FYCO1: variants seen among roughly 807,000 people sequenced by gnomAD.
FYCO1 encodes the protein FYVE and coiled-coil domain-containing protein 1.
In FYCO1, 122 loss-of-function variants were observed where a neutral mutation model predicts 165.1. The ratio of observed to expected loss-of-function variants is 0.74; its 90% CI spans 0.64 to 0.86. The LOEUF (loss-of-function observed/expected upper bound fraction) is 0.86. Among genes scored for constraint, FYCO1 ranks in the 40% least tolerant of loss-of-function variants. The probability of loss-of-function intolerance (pLI) is 0.00; values close to 1 mark genes in which losing one functional copy is unlikely to be tolerated. For synonymous variants in FYCO1, 648 were observed against 742.5 expected (o/e 0.87, Z 2.07); for missense variants, 1,702 against 1,810.3 (o/e 0.94, Z 1.09).
In FYCO1 at chr3:45,921,545, A is replaced by T. The variant is rs1249726837; in HGVS notation, c.*220T>A. 3.6e-6 allele frequency: 2 copies of T among 556,286 alleles called. No homozygotes were observed. Among genetic ancestry groups the T allele is most frequent in the Non-Finnish European group, 3.3e-6 (1 of 306,894 alleles). 34.5% of individuals were successfully genotyped at this position (556,286 alleles called of 1,614,324 possible). On this transcript the variant is annotated 3_prime_UTR_variant, in exon 18 of 18. Transcript: ENST00000296137. ...TGTGACAACAGCTGAGTCTCTACTT[A>T]ATGGAAACATTGCCTGAGCCCTTCA... is the stretch of plus-strand genomic sequence containing the variant.
At chr3:45,971,581 G>A (rs1414657868) in intron 6 of FYCO1, among the ~76,000 whole-genome samples, 1 of 152,050 alleles carries the variant, frequency 6.6e-6, no homozygotes, top group Non-Finnish European at 1.5e-5. Context: ...GGACACAACA[G>A]GTAAGGTATT....
chr3:45,943,190 A>G (rs2125816408), intron 14 of FYCO1, among the ~76,000 whole-genome samples: 1 of 152,360 alleles, frequency 6.6e-6, no homozygotes, highest in South Asian at 2.1e-4. Context: ...TTAAGGTACA[A>G]ATGCCACCAT....
At chr3:45,949,632 T>A (rs1704871469) in intron 14 of FYCO1, among the ~76,000 whole-genome samples, 3 of 152,138 alleles carry the variant, frequency 2.0e-5, no homozygotes, top group Admixed American at 2.0e-4. Flanking sequence ...AGGCCTTCCC[T>A]CCTGGGGTGC....
At chr3:45,927,572 G>A (rs905417317) in intron 16 of FYCO1, among the ~76,000 whole-genome samples, 7 of 152,272 alleles carry the variant, frequency 4.6e-5, no homozygotes, top group Non-Finnish European at 8.8e-5. Flanking sequence ...AGGGGACAAA[G>A]GTGTACAAAG....
chr3:45,978,961 A>T (rs1706906621), intron 4 of FYCO1, among the ~76,000 whole-genome samples: 1 of 148,224 alleles, frequency 6.7e-6, no homozygotes, highest in Non-Finnish European at 1.5e-5. Flanking sequence ...GGTTCACGCC[A>T]TTCTCCTGCC....
At chr3:45,946,767 G>A (rs1704637332) in intron 14 of FYCO1, 2 of 1,614,080 alleles carry the variant, frequency 1.2e-6, no homozygotes, top group South Asian at 1.1e-5. Context: ...CCATGAATGG[G>A]TGTTTGGCCA....
intron 11 of FYCO1, among the ~76,000 whole-genome samples, chr3:45,960,858 G>T (rs1168858976): frequency 6.6e-6 from 1 of 152,016 alleles, no homozygotes. Context: ...ATGGTTCTCA[G>T]CTCTGGCTCA....
At chr3:45,990,588 T>G (rs1459763700) in intron 1 of FYCO1, among the ~76,000 whole-genome samples, 1 of 152,202 alleles carries the variant, frequency 6.6e-6, no homozygotes, top group Non-Finnish European at 1.5e-5. Context: ...GTAAACTTCG[T>G]TGCTGTTCAT....
Position 45,955,399 on chromosome 3 carries a change from C to A in FYCO1, c.3800-6G>T. On this transcript the variant is annotated splice_region_variant and splice_polypyrimidine_tract_variant and intron_variant, in intron 13 of 17. Transcript: ENST00000296137. ...CCTGTAGTCTGTATTTGCTCCTGGG[C>A]AGCAGAGGCAGATCAGGAGAGAAGA... 6.2e-7 allele frequency: 1 copy of A among 1,614,122 alleles called. No homozygotes were observed. Among genetic ancestry groups the A allele is most frequent in the Non-Finnish European group, 8.5e-7 (1 of 1,180,012 alleles).
At chr3:45,925,890 A>G (rs775144704) in intron 16 of FYCO1, among the ~76,000 whole-genome samples, 11 of 152,246 alleles carry the variant, frequency 7.2e-5, no homozygotes, top group Non-Finnish European at 1.0e-4. Flanking sequence ...TGGAGACAAC[A>G]TATTTAAAGG....
At chr3:45,988,420 C>T (rs1304417930) in intron 1 of FYCO1, among the ~76,000 whole-genome samples, 2 of 152,168 alleles carry the variant, frequency 1.3e-5, no homozygotes, top group African/African-American at 4.8e-5. Flanking sequence ...CTGGCATGAA[C>T]CAGCCTGATC....
At chr3:45,936,571 C>T (rs1703904789) in intron 14 of FYCO1, 28 bp from the exon 15 acceptor site, 3 of 1,510,008 alleles carry the variant, frequency 2.0e-6, no homozygotes, top group Non-Finnish European at 1.8e-6. Flanking sequence ...AGAACACAGT[C>T]ATTTAGCTAT....
intron 4 of FYCO1, among the ~76,000 whole-genome samples, chr3:45,978,449 T>C (rs1182151721): frequency 6.6e-6 from 1 of 152,160 alleles, no homozygotes; most frequent in African/African-American, 2.4e-5. Context: ...CCTCATCGTC[T>C]CAGATGTCAG....
rs11715361 is a variant in FYCO1 at position 45,989,380 on chromosome 3, G to A, written c.-112-4358C>T. 8.0e-3 allele frequency among the ~76,000 whole-genome samples: 1,225 copies of A among 152,338 alleles called. 5 individuals are homozygous for A. The highest frequency in any genetic ancestry group is 0.012 in the Non-Finnish European group (848 of 68,024). On this transcript the variant is annotated intron_variant, in intron 1 of 17. Transcript: ENST00000296137. ...CCTACAGAAAGGGAGGCACTTGGCT[G>A]GTACCTGCAGCTTCGAAGGCCTGGA...
intron 14 of FYCO1, among the ~76,000 whole-genome samples, chr3:45,941,614 C>T (rs1704231053): frequency 6.6e-6 from 1 of 152,208 alleles, no homozygotes; most frequent in Admixed American, 6.5e-5. Flanking sequence ...GTCTTTTGTA[C>T]TATAGAGAAG....
At chr3:45,947,522 G>C in intron 14 of FYCO1, 1 of 1,604,698 alleles carries the variant, frequency 6.2e-7, no homozygotes, top group Non-Finnish European at 8.5e-7. Flanking sequence ...CCTTGCCAGG[G>C]TTTCGAGAAG....
chr3:45,962,404 G>A lies in FYCO1; in HGVS notation c.3270-12C>T. ...GTTCCTTCTGGGTCCTGGGGGAGGA[G>A]TGGTAAGTTTTCTTGATTAGCCAGG... On this transcript the variant is annotated splice_polypyrimidine_tract_variant and intron_variant, in intron 10 of 17. Transcript: ENST00000296137. The surrounding 1 kb of genome is among the most constrained non-coding windows in gnomAD (Gnocchi z 4.4). The A allele has an allele frequency of 1.2e-6, 2 of 1,613,874 alleles. No homozygotes were observed. Among genetic ancestry groups the A allele is most frequent in the Non-Finnish European group, 1.7e-6 (2 of 1,179,780 alleles).
intron 16 of FYCO1, among the ~76,000 whole-genome samples, chr3:45,924,937 ATT>A (rs34421491): frequency 2.4e-4 from 35 of 146,732 alleles, no homozygotes; most frequent in South Asian, 1.3e-3. Context: ...TTTAAAAAAA[ATT>A]TTTTTTTTAA....
At position 45,955,276 on chromosome 3, in the gene FYCO1, T is replaced by C. The variant is rs769576111; in HGVS notation, c.3917A>G (p.Asp1306Gly). The C allele has an allele frequency of 1.7e-5, 27 of 1,614,070 alleles. No individual in the cohort carries two copies. Among genetic ancestry groups the C allele is most frequent in the Non-Finnish European group, 1.9e-5 (23 of 1,180,022 alleles). The change falls in exon 14 of 18, where the codon GAT (aspartate) becomes GGT (glycine). Residue 1306 changes from aspartate to glycine, a missense_variant. Transcript: ENST00000296137. ...TTCAGCCGCATTTGGGTCGAGAGAA[T>C]CAGTTTCAGTGGGTGTTTCAGGCAA... ...SSLPETPTET[D>G]SLDPNAAEQD...
Sources: gnomAD v4.1 joint callset for allele counts (sites outside exome capture counted in the v4.1 genomes callset) on GRCh38, gnomAD v4.1.1 for gene constraint, Gnocchi (gnomAD v3.1) non-coding constraint, MANE v1.5 for transcripts, NCBI Gene and HGNC (gene_info 2026-07-23, HGNC 2026-07-21) for gene names.